EPHA8: variants seen among roughly 807,000 people sequenced by gnomAD.
EPHA8 encodes the protein EPH receptor A8, also known as ephrin type-A receptor 8.
EPHA8 carries 58 observed loss-of-function variants against 103.6 expected under a neutral mutation model. That is an observed-to-expected ratio of 0.56 (90% CI 0.45 to 0.70). EPHA8 has a LOEUF of 0.70. Among genes scored for constraint, EPHA8 ranks in the 30% least tolerant of loss-of-function variants. EPHA8 has a pLI of 0.00. For missense variants in EPHA8, 1,304 were observed against 1,395.2 expected, an observed-to-expected ratio of 0.93 and a Z score of 1.04; for synonymous variants, 559 against 572.5, an observed-to-expected ratio of 0.98 and a Z score of 0.34.
rs1216024910 is a variant in EPHA8 at position 22,601,697 on chromosome 1, CG to C, written c.2977del (p.Ala993ProfsTer3). 10 of 1,581,468 alleles carry C rather than the reference CG, an allele frequency of 6.3e-6. No homozygotes were observed. Among genetic ancestry groups the C allele is most frequent in the Non-Finnish European group, 8.6e-6 (10 of 1,163,684 alleles). Reference protein sequence around the residue: ...KKILGSIQTMRAQLTSTQGPR... With the variant: ...KKILGSIQTMXAQLTSTQGPR... ...GATCCTGGGCAGCATTCAGACCATG[CG>C]GGCCCAGCTGACCAGCACCCAGGGG... On this transcript the variant is annotated frameshift_variant, in exon 17 of 17. Coordinates refer to ENST00000166244, the MANE Select transcript of EPHA8 (RefSeq NM_020526.5). LOFTEE classifies it high-confidence loss of function.
intron 7 of EPHA8, among the ~76,000 whole-genome samples, chr1:22,594,145 A>G (rs1040091811): frequency 4.0e-5 from 6 of 151,510 alleles, no homozygotes; most frequent in Non-Finnish European, 8.8e-5. Context: ...TTTTTTGTGT[A>G]TTTAATAGAA....
At chr1:22,571,910 G>C (rs553322221) in intron 2 of EPHA8, among the ~76,000 whole-genome samples, 1 of 152,136 alleles carries the variant, frequency 6.6e-6, no homozygotes, top group African/African-American at 2.4e-5. Flanking sequence ...GGTGGTGCAC[G>C]CTTGTGGTCC....
chr1:22,595,369 C>A, intron 8 of EPHA8, 46 bp downstream of exon 8: 1 of 1,533,742 alleles, frequency 6.5e-7, no homozygotes, highest in Non-Finnish European at 9.0e-7. Flanking sequence ...TCTCAAGCAC[C>A]GTACCTCCTG....
chr1:22,569,881 C>T lies in EPHA8; in HGVS notation c.159+528C>T, dbSNP rs1640476576. On this transcript the variant is annotated intron_variant, in intron 2 of 16. Coordinates refer to ENST00000166244, the MANE Select transcript of EPHA8 (RefSeq NM_020526.5). The surrounding 1 kb of genome is among the most constrained non-coding windows in gnomAD (Gnocchi z 4.5). ...GAAGGGCTGCAGTGAGCAGGCTGCA[C>T]TGCCCCGTCCCTCTGCTTCTCTTCT... 6.6e-6 allele frequency among the ~76,000 whole-genome samples: 1 copy of T among 152,224 alleles called. No homozygotes were observed. Among genetic ancestry groups the T allele is most frequent in the Non-Finnish European group, 1.5e-5 (1 of 68,038 alleles).
At chr1:22,580,642 T>C (rs1641020331) in intron 3 of EPHA8, among the ~76,000 whole-genome samples, 1 of 152,186 alleles carries the variant, frequency 6.6e-6, no homozygotes, top group South Asian at 2.1e-4. Context: ...TGTGTCAGCT[T>C]TGCACTGGGA....
rs368834946 is a variant in EPHA8, at chr1:22,578,248, GTGTC to G, written c.823+1372_823+1375del. Among the ~76,000 whole-genome samples, 1,180 of 141,786 alleles carry G rather than the reference GTGTC, an allele frequency of 8.3e-3. 7 individuals are homozygous for G. Among genetic ancestry groups the G allele is most frequent in the African/African-American group, 0.029 (1,090 of 38,016 alleles). 93.0% of individuals were successfully genotyped at this position (141,786 alleles called of 152,430 possible). ...TGCATGTGTGTATGTGTGCATGTGT[GTGTC>G]TGTATACCCGTGTGTGCATGAGTGC... On this transcript the variant is annotated intron_variant, in intron 3 of 16. Transcript: ENST00000166244.
Position 22,569,228 on chromosome 1 carries a change from C to A in EPHA8, c.95-61C>A. ...GGACCAGTGTAGCTGGGTCAGGCTGCTCTTGAGGAGCTGGGGAGAAGTCAG... is the reference window on the plus strand; with the variant it reads ...GGACCAGTGTAGCTGGGTCAGGCTGATCTTGAGGAGCTGGGGAGAAGTCAG... On this transcript the variant is annotated intron_variant, in intron 1 of 16. Coordinates refer to ENST00000166244, the MANE Select transcript of EPHA8 (RefSeq NM_020526.5). This position sits in a 1 kb window ranked among gnomAD's most constrained non-coding sequence, Gnocchi z 4.5. The A allele has an allele frequency of 6.3e-7, 1 of 1,577,090 alleles. No homozygotes were observed. The highest frequency in any genetic ancestry group is 8.7e-7 in the Non-Finnish European group (1 of 1,147,878).
Position 22,589,577 on chromosome 1 carries a change from C to T in EPHA8, c.1315+371C>T, listed in dbSNP as rs1236648876. 1.5e-6 allele frequency: 2 copies of T among 1,326,202 alleles called. No homozygotes were observed. Among genetic ancestry groups the T allele is most frequent in the African/African-American group, 3.0e-5 (2 of 66,916 alleles). The allele number at this position is 1,326,202 out of a possible 1,614,324, so 82.2% of individuals were successfully genotyped here. On this transcript the variant is annotated intron_variant, in intron 5 of 16. Transcript: ENST00000166244. The surrounding 1 kb of genome is among the most constrained non-coding windows in gnomAD (Gnocchi z 4.3). ...AGGAATGAAATTGCTTAGCCCAGCA[C>T]CTGGCCCGTGGTAAATGCTCAATAA...
rs1425822953 is a variant in EPHA8 at position 22,576,774 on chromosome 1, G to A, written c.717G>A (p.Glu239=). Reference sequence around the variant, plus strand: ...GCCAGTGCGTGCGGCACTCAGAGGAGCGGGACACACCCAAGATGTACTGCA... The same window carrying A: ...GCCAGTGCGTGCGGCACTCAGAGGAACGGGACACACCCAAGATGTACTGCA... ...VRGQCVRHSE[E]RDTPKMYCSA... Residue 239 remains glutamate, a synonymous_variant, in exon 3 of 17, where the codon GAG becomes GAA. Coordinates refer to ENST00000166244, the MANE Select transcript of EPHA8 (RefSeq NM_020526.5). This position sits in a 1 kb window ranked among gnomAD's most constrained non-coding sequence, Gnocchi z 4.8. The A allele has an allele frequency of 1.2e-6, 2 of 1,613,820 alleles. No homozygotes were observed. Among genetic ancestry groups the A allele is most frequent in the South Asian group, 2.2e-5 (2 of 91,082 alleles).
intron 3 of EPHA8, among the ~76,000 whole-genome samples, chr1:22,585,052 C>CGTGT (rs1553146964): frequency 6.9e-6 from 1 of 144,370 alleles, no homozygotes; most frequent in Non-Finnish European, 1.5e-5. Context: ...TGTGTGTGTG[C>CGTGT]GCACGCGTGT....
chr1:22,598,970 A>G lies in EPHA8; in HGVS notation c.2311A>G (p.Asn771Asp). Residue 771 changes from asparagine (N) to aspartate (D), a missense_variant, in exon 13 of 17, where the codon AAC becomes GAC. Coordinates refer to ENST00000166244, the MANE Select transcript of EPHA8 (RefSeq NM_020526.5). The surrounding 1 kb of genome is among the most constrained non-coding windows in gnomAD (Gnocchi z 5.1). Reference sequence around the variant, plus strand: ...CGCCCGCAACGTCCTGGTTGACAGCAACCTGGTCTGCAAGGTGTCTGACTT... The same window carrying G: ...CGCCCGCAACGTCCTGGTTGACAGCGACCTGGTCTGCAAGGTGTCTGACTT... ...LAARNVLVDS[N>D]LVCKVSDFGL... 1 of 1,610,966 alleles carries G rather than the reference A, an allele frequency of 6.2e-7. No homozygotes were observed. Among genetic ancestry groups the G allele is most frequent in the Non-Finnish European group, 8.5e-7 (1 of 1,179,540 alleles).
At position 22,601,070 on chromosome 1, in the gene EPHA8, C is replaced by A; in HGVS notation, c.2711C>A (p.Ala904Asp). The change falls in exon 15 of 17, where the codon GCC becomes GAC. Residue 904 changes from alanine (A) to aspartate (D), a missense_variant. Coordinates refer to ENST00000166244, the MANE Select transcript of EPHA8 (RefSeq NM_020526.5). The part of the protein sequence containing the change: ...ALIRSPESLR[A>D]TATVSRCPPP... ...ATCCGCAGCCCTGAGAGTCTCAGGG[C>A]CACCGCCACAGTCAGCAGGTGCCTT... The A allele has an allele frequency of 6.2e-7, 1 of 1,608,104 alleles. No individual in the cohort carries two copies. The highest frequency in any genetic ancestry group is 8.5e-7 in the Non-Finnish European group (1 of 1,177,272).
intron 3 of EPHA8, among the ~76,000 whole-genome samples, chr1:22,582,114 A>T (rs1292686717): frequency 6.6e-6 from 1 of 152,152 alleles, no homozygotes; most frequent in East Asian, 1.9e-4. Flanking sequence ...GATACTTGAG[A>T]TGTCTTCTGC....
rs209743 is a variant in EPHA8, at chr1:22,570,563, A to C, written c.159+1210A>C. Among the ~76,000 whole-genome samples, 1,186 of 151,920 alleles carry C rather than the reference A, an allele frequency of 7.8e-3. 20 individuals carry two copies. Among genetic ancestry groups the C allele is most frequent in the African/African-American group, 0.027 (1,124 of 41,182 alleles). On this transcript the variant is annotated intron_variant, in intron 2 of 16. Coordinates refer to ENST00000166244, the MANE Select transcript of EPHA8 (RefSeq NM_020526.5). ...TAACATTTATGAAGGGCCTTTCTTG[A>C]CTTTGGGTAGAGTTTTCATCTGGGC... is the stretch of plus-strand genomic sequence containing the variant.
chr1:22,579,433 CATGTGTGCATGAGTGT>C (rs1640977562), intron 3 of EPHA8, among the ~76,000 whole-genome samples: 1 of 150,868 alleles, frequency 6.6e-6, no homozygotes, highest in South Asian at 2.1e-4. Flanking sequence ...CATGTGTTTG[CATGTGTGCATGAGTGT>C]ATGTGTGCAT....
Position 22,576,325 on chromosome 1 carries a change from C to G in EPHA8, c.268C>G (p.Pro90Ala). ...CAACTGGCTGCGCACGAGCTGGGTC[C>G]CCCGAGACGGCGCCCGGCGCGTCTA... ...QNNWLRTSWV[P>A]RDGARRVYAE... is the part of the protein sequence containing the mutation. The change falls in exon 3 of 17, where the codon CCC (proline) becomes GCC (alanine). Residue 90 changes from proline (P) to alanine (A), a missense_variant. Transcript: ENST00000166244. This position sits in a 1 kb window ranked among gnomAD's most constrained non-coding sequence, Gnocchi z 4.8. 6.2e-7 allele frequency: 1 copy of G among 1,613,912 alleles called. No individual in the cohort carries two copies.
At position 22,586,638 on chromosome 1, in the gene EPHA8, GA is replaced by G. The variant is rs781181106; in HGVS notation, c.979+4del. Reference sequence around the variant, plus strand: ...CCCGCCGTCCTCAGCCTGCACCCGTGAGTACCACTCCGAGATGCCAGTACCC... The same window carrying G: ...CCCGCCGTCCTCAGCCTGCACCCGTGGTACCACTCCGAGATGCCAGTACCC... On this transcript the variant is annotated splice_donor_region_variant and intron_variant, in intron 4 of 16. Transcript: ENST00000166244. The G allele has an allele frequency of 2.5e-6, 4 of 1,613,482 alleles. No homozygotes were observed. In the African/African-American group the frequency reaches 5.3e-5, roughly 22 times the overall value.
In EPHA8 at chr1:22,602,121, G is replaced by A. The variant is rs1041534190; in HGVS notation, c.*380G>A. ...TCATGTGAACAGTGTGTGATCAAGT[G>A]TGTCCACCCCTTCGGGTCTCAGCAT... On this transcript the variant is annotated 3_prime_UTR_variant, in exon 17 of 17. Transcript: ENST00000166244. The A allele has an allele frequency of 2.2e-5, 7 of 324,098 alleles. No homozygotes were observed. The highest frequency in any genetic ancestry group is 3.4e-5 in the Non-Finnish European group (6 of 178,672). 20.1% of individuals were successfully genotyped at this position (324,098 alleles called of 1,614,324 possible).
rs1641323364 is a variant in EPHA8 at position 22,589,625 on chromosome 1, C to T, written c.1315+419C>T. 8.1e-7 allele frequency: 1 copy of T among 1,238,490 alleles called. No homozygotes were observed. 76.7% of individuals were successfully genotyped at this position (1,238,490 alleles called of 1,614,324 possible). On this transcript the variant is annotated intron_variant, in intron 5 of 16. Coordinates refer to ENST00000166244, the MANE Select transcript of EPHA8 (RefSeq NM_020526.5). This position sits in a 1 kb window ranked among gnomAD's most constrained non-coding sequence, Gnocchi z 4.3. ...TAAATGTCATTAAAAAATAAAATCA[C>T]TCGGATGATCATTTTCCAGAACAGC...
Sources: gnomAD v4.1 joint callset for allele counts (sites outside exome capture counted in the v4.1 genomes callset) on GRCh38, gnomAD v4.1.1 for gene constraint, Gnocchi (gnomAD v3.1) non-coding constraint, MANE v1.5 for transcripts, NCBI Gene and HGNC (gene_info 2026-07-23, HGNC 2026-07-21) for gene names.